The following HERC1 variants were observed in gnomAD, a reference collection of about 807,000 sequenced individuals.
HERC1 encodes HECT and RLD domain containing E3 ubiquitin protein ligase family member 1, also known as probable E3 ubiquitin-protein ligase HERC1.
Under a neutral mutation model 554.3 loss-of-function variants are expected in HERC1, and 160 were observed. The ratio of observed to expected loss-of-function variants is 0.29; its 90% CI spans 0.25 to 0.33. The LOEUF is 0.33. Ranked by LOEUF, HERC1 falls within the 10% of genes least tolerant of loss-of-function variation. The pLI is 1.00. For synonymous variants in HERC1, 2,175 were observed against 2,131.7 expected (o/e 1.02, Z -0.56); for missense variants, 4,919 against 5,918.5 (o/e 0.83, Z 5.54).
At chr15:63,826,983 A>ACTTACAGAAAT (rs2077960862) in intron 1 of HERC1, among the ~76,000 whole-genome samples, 1 of 151,664 alleles carries the variant, frequency 6.6e-6, no homozygotes, top group Non-Finnish European at 1.5e-5. Context: ...CAGCAATCAC[A>ACTTACAGAAAT]CTTACAGAAA....
At position 63,696,205 on chromosome 15, in the gene HERC1, C is replaced by A. The variant is rs775848749; in HGVS notation, c.5040G>T (p.Gln1680His). The A allele has an allele frequency of 6.2e-7, 1 of 1,613,672 alleles. No homozygotes were observed. The highest frequency in any genetic ancestry group is 8.5e-7 in the Non-Finnish European group (1 of 1,179,754). The change falls in exon 27 of 78, where the codon CAG (glutamine) becomes CAT (histidine). Residue 1680 changes from glutamine to histidine, a missense_variant. Gln to His is a conservative substitution (Grantham distance 24). Coordinates refer to ENST00000443617, the MANE Select transcript of HERC1 (RefSeq NM_003922.4). ...SSTLLTSVRL[Q>H]FLAGCFGLGT... The stretch of plus-strand genomic sequence containing the variant: ...CTAAACCAAAACACCCTGCTAGGAA[C>A]TGCAGCCTCACAGACGTGAGTAGTG...
At chr15:63,723,967 G>A (rs533815117) in intron 18 of HERC1, among the ~76,000 whole-genome samples, 3 of 152,120 alleles carry the variant, frequency 2.0e-5, no homozygotes, top group Non-Finnish European at 4.4e-5. Context: ...TGAGGTTCTT[G>A]GGCTAGTATC....
intron 1 of HERC1, among the ~76,000 whole-genome samples, chr15:63,780,232 T>G (rs1010692528): frequency 1.3e-5 from 2 of 152,132 alleles, no homozygotes; most frequent in South Asian, 4.1e-4. Flanking sequence ...TGTTGATTCT[T>G]AAGTATTTTT....
chr15:63,811,636 C>T (rs983824088), intron 1 of HERC1, among the ~76,000 whole-genome samples: 2 of 151,650 alleles, frequency 1.3e-5, no homozygotes, highest in African/African-American at 4.8e-5. Flanking sequence ...GGTGAAACCC[C>T]GTCTCTCCTA....
intron 74 of HERC1, among the ~76,000 whole-genome samples, chr15:63,621,976 T>G (rs553862275): frequency 1.6e-3 from 242 of 152,314 alleles, no homozygotes; most frequent in Non-Finnish European, 2.9e-3. Context: ...GTCTGAAGCC[T>G]TCTTCTCTCA....
intron 50 of HERC1, 61 bp downstream of exon 50, chr15:63,655,681 A>T: frequency 8.5e-7 from 1 of 1,178,254 alleles, no homozygotes; most frequent in Non-Finnish European, 1.2e-6. Context: ...CAATGTAAAA[A>T]CATTATTTAA....
In HERC1 at chr15:63,666,396, C is replaced by A. The variant is rs777417470; in HGVS notation, c.8283G>T (p.Gly2761=). The change falls in exon 41 of 78, where the codon GGG becomes GGT. Residue 2761 remains glycine (G), a synonymous_variant. Transcript: ENST00000443617. ...PAIAVPLLEM[G]FSLRQIAKAM... is the part of the protein sequence containing the mutation. The stretch of plus-strand genomic sequence containing the variant: ...CTTTGGCAATCTGCCGAAGAGAGAA[C>A]CCCATTTCCAGCAAGGGAACTGCAA... 5.6e-6 allele frequency: 9 copies of A among 1,613,578 alleles called. No homozygotes were observed. The highest frequency in any genetic ancestry group is 4.5e-5 in the East Asian group (2 of 44,866).
intron 24 of HERC1, among the ~76,000 whole-genome samples, 181 bp downstream of exon 24, chr15:63,712,594 G>T (rs144628956): frequency 6.6e-6 from 1 of 152,276 alleles, no homozygotes; most frequent in East Asian, 1.9e-4. Flanking sequence ...CAGAACAAGA[G>T]ATTGAAACCA....
In HERC1 at chr15:63,624,277, T is replaced by C. The variant is rs377137482; in HGVS notation, c.13326A>G (p.Gln4442=). 12 of 1,613,612 alleles carry C rather than the reference T, an allele frequency of 7.4e-6. No homozygotes were observed. The highest frequency in any genetic ancestry group is 2.7e-5 in the African/African-American group (2 of 74,876). ...NAGTWGIVQG[Q]LRPLLAPRVY... is the part of the protein sequence containing the mutation. ...CTCTTGGGGCTAACAAAGGCCGAAG[T>C]TGTCCCTGTACAATGCCCCAAGTTC... Residue 4442 remains glutamine (Q), a synonymous_variant, in exon 72 of 78, where the codon CAA becomes CAG. Coordinates refer to ENST00000443617, the MANE Select transcript of HERC1 (RefSeq NM_003922.4).
At chr15:63,767,250 G>A (rs989322158) in intron 2 of HERC1, among the ~76,000 whole-genome samples, 2 of 139,372 alleles carry the variant, frequency 1.4e-5, no homozygotes, top group African/African-American at 2.7e-5. Flanking sequence ...CAATCCACCC[G>A]TCTCGGCCTC....
At chr15:63,723,645 G>A (rs2073916102) in intron 18 of HERC1, among the ~76,000 whole-genome samples, 1 of 152,154 alleles carries the variant, frequency 6.6e-6, no homozygotes, top group East Asian at 1.9e-4. Context: ...TGGCGTTTTG[G>A]CAGGCAGAGG....
chr15:63,817,607 T>C (rs983678873), intron 1 of HERC1, among the ~76,000 whole-genome samples: 1 of 152,002 alleles, frequency 6.6e-6, no homozygotes, highest in Non-Finnish European at 1.5e-5. Context: ...CCCAGCTACT[T>C]GGGAGGCTGA....
At chr15:63,824,756 T>C (rs1005726333) in intron 1 of HERC1, among the ~76,000 whole-genome samples, 3 of 151,828 alleles carry the variant, frequency 2.0e-5, no homozygotes, top group Non-Finnish European at 4.4e-5. Context: ...TGGAATAGTA[T>C]TCAGCTTTCA....
At chr15:63,647,712 C>G (rs1265979134) in intron 55 of HERC1, among the ~76,000 whole-genome samples, 1 of 152,170 alleles carries the variant, frequency 6.6e-6, no homozygotes, top group Non-Finnish European at 1.5e-5. Context: ...ATGGTTGGAA[C>G]TGAAGCCCAT....
intron 26 of HERC1, among the ~76,000 whole-genome samples, chr15:63,698,112 T>C (rs1056720171): frequency 6.6e-6 from 1 of 151,896 alleles, no homozygotes; most frequent in Non-Finnish European, 1.5e-5. Flanking sequence ...CTGAGACAAA[T>C]GGGTCAAAAA....
chr15:63,630,221 G>T (rs887278064), intron 69 of HERC1, among the ~76,000 whole-genome samples: 1 of 152,072 alleles, frequency 6.6e-6, no homozygotes, highest in Non-Finnish European at 1.5e-5. Flanking sequence ...TAAATACTCA[G>T]CCAATCCCCT....
intron 74 of HERC1, among the ~76,000 whole-genome samples, chr15:63,617,231 A>G (rs377205858): frequency 7.9e-5 from 12 of 152,232 alleles, no homozygotes; most frequent in Non-Finnish European, 1.5e-4. Flanking sequence ...TCATTGTTCA[A>G]TTCCCACCTA....
In HERC1 at chr15:63,729,766, T is replaced by TA. The variant is rs1266256078; in HGVS notation, c.2869-118dup. ...GGCTGGGTGCGGTGACTCACACCTG[T>TA]AATCCCAGCACTTTGGGAGTCCGAG... On this transcript the variant is annotated intron_variant, in intron 14 of 77. Coordinates refer to ENST00000443617, the MANE Select transcript of HERC1 (RefSeq NM_003922.4). The TA allele has an allele frequency of 5.3e-6, 5 of 941,454 alleles. No homozygotes were observed. In the African/African-American group the frequency reaches 6.5e-5, roughly 12 times the overall value. The allele number at this position is 941,454 out of a possible 1,614,324, so 58.3% of individuals were successfully genotyped here.
At position 63,721,785 on chromosome 15, in the gene HERC1, G is replaced by A. The variant is rs543149989; in HGVS notation, c.3742+1397C>T. On this transcript the variant is annotated intron_variant, in intron 19 of 77. Coordinates refer to ENST00000443617, the MANE Select transcript of HERC1 (RefSeq NM_003922.4). ...GTGATTCTGAACAATCCCGATCATC[G>A]TTAAAAAAACAAAGGAGCTAAAAAG... is the stretch of plus-strand genomic sequence containing the variant. 1.9e-3 allele frequency among the ~76,000 whole-genome samples: 285 copies of A among 152,076 alleles called. 4 individuals are homozygous for A. Among genetic ancestry groups the A allele is most frequent in the South Asian group, 2.7e-3 (13 of 4,792 alleles).
Sources: gnomAD v4.1 joint callset for allele counts (sites outside exome capture counted in the v4.1 genomes callset) on GRCh38, gnomAD v4.1.1 for gene constraint, MANE v1.5 for transcripts, NCBI Gene and HGNC (gene_info 2026-07-23, HGNC 2026-07-21) for gene names.